The following COL4A6 variants were observed in gnomAD, a reference collection of about 807,000 sequenced individuals.
COL4A6 encodes the protein collagen type IV alpha 6 chain.
A neutral mutation model predicts 126.7 loss-of-function variants in COL4A6; 59 were observed. The observed-to-expected ratio is 0.47, with a 90% CI of 0.38 to 0.58. COL4A6 has a LOEUF of 0.58. COL4A6 is among the 20% of genes least tolerant of loss of function. The pLI, the probability that COL4A6 is intolerant of heterozygous loss-of-function variation, is 0.00. For missense variants in COL4A6, 1,285 were observed against 1,337.3 expected, an observed-to-expected ratio of 0.96 and a Z score of 0.61; for synonymous variants, 547 against 496.6, an observed-to-expected ratio of 1.10 and a Z score of -1.35.
chrX:108,177,354 G>C (rs779293152), intron 27 of COL4A6, among the ~76,000 whole-genome samples: 1 of 112,235 alleles, frequency 8.9e-6, no homozygotes, highest in African/African-American at 3.2e-5. Flanking sequence ...GTGGCAAGTA[G>C]GCTCCAGTTT....
At chrX:108,273,570 T>G (rs1332758732) in intron 3 of COL4A6, among the ~76,000 whole-genome samples, 1 of 112,207 alleles carries the variant, frequency 8.9e-6, no homozygotes, top group Non-Finnish European at 1.9e-5. Flanking sequence ...AGCAAAGACT[T>G]GGAACCAACC....
intron 4 of COL4A6, 45 bp downstream of exon 4, chrX:108,221,195 T>C (rs1193332318): frequency 8.3e-7 from 1 of 1,203,635 alleles, no homozygotes; most frequent in African/African-American, 1.7e-5. Flanking sequence ...ATCTTTACAT[T>C]TGTGGCCCAT....
intron 20 of COL4A6, 115 bp downstream of exon 20, chrX:108,190,277 A>G (rs2034997448): frequency 1.8e-5 from 9 of 503,150 alleles, no homozygotes; most frequent in South Asian, 6.8e-5. Flanking sequence ...CAAAGCCCCA[A>G]ACAAGATCCA....
intron 8 of COL4A6, among the ~76,000 whole-genome samples, chrX:108,207,242 C>T (rs1033759328): frequency 9.2e-6 from 1 of 108,407 alleles, no homozygotes; most frequent in African/African-American, 3.4e-5. Context: ...GGATTAAACA[C>T]CGCATGTTCA....
At chrX:108,288,054 C>T (rs1025283880) in intron 3 of COL4A6, among the ~76,000 whole-genome samples, 2 of 112,224 alleles carry the variant, frequency 1.8e-5, no homozygotes, top group Non-Finnish European at 3.8e-5. Context: ...CCTGTTGCTC[C>T]ATCTTGGCCA....
At chrX:108,350,286 TCA>T (rs1346326831) in intron 2 of COL4A6, among the ~76,000 whole-genome samples, 8 of 111,920 alleles carry the variant, frequency 7.1e-5, no homozygotes, top group Non-Finnish European at 5.6e-5. Context: ...TTTGGAAAAT[TCA>T]CAGTTTCATC....
intron 3 of COL4A6, among the ~76,000 whole-genome samples, chrX:108,252,497 A>C (rs1256645491): frequency 2.7e-5 from 3 of 111,546 alleles, no homozygotes; most frequent in Non-Finnish European, 3.8e-5. Context: ...TTACATATAC[A>C]CCCAGTAGTA....
chrX:108,278,856 G>T (rs868092184), intron 3 of COL4A6, among the ~76,000 whole-genome samples: 90 of 110,809 alleles, frequency 8.1e-4, no homozygotes, highest in East Asian at 1.7e-3. Context: ...TTAAAGAAAA[G>T]AATTTTCAAT....
rs1171890131 is a variant in COL4A6, at chrX:108,213,623, A to G, written c.441+489T>C. The stretch of plus-strand genomic sequence containing the variant: ...GTCTTGTGCCAGTAGCACACCACCA[A>G]TTGTGAGACCTCAAAATATCAATAG... On this transcript the variant is annotated intron_variant, in intron 6 of 44. Transcript: ENST00000334504. Among the ~76,000 whole-genome samples, 3 of 111,979 alleles carry G rather than the reference A, an allele frequency of 2.7e-5. No homozygotes were observed. In the Admixed American group the frequency reaches 2.8e-4, roughly 11 times the overall value.
At chrX:108,230,561 C>G (rs1348697097) in intron 3 of COL4A6, among the ~76,000 whole-genome samples, 2 of 111,762 alleles carry the variant, frequency 1.8e-5, no homozygotes, top group Non-Finnish European at 3.8e-5. Context: ...ACAAACTTTA[C>G]CTCAGTAGCC....
At chrX:108,430,511 T>C (rs1021672734) in intron 2 of COL4A6, among the ~76,000 whole-genome samples, 1 of 112,096 alleles carries the variant, frequency 8.9e-6, no homozygotes, top group Non-Finnish European at 1.9e-5. Flanking sequence ...ATTGGGTTTG[T>C]TGTTAGTAAA....
chrX:108,162,669 AC>A (rs761488055), intron 41 of COL4A6, among the ~76,000 whole-genome samples: 2 of 111,166 alleles, frequency 1.8e-5, no homozygotes, highest in South Asian at 7.8e-4. Flanking sequence ...TGGAGTAGCA[AC>A]CTTGCTCTGC....
At chrX:108,201,426 T>C (rs1262510069) in intron 13 of COL4A6, among the ~76,000 whole-genome samples, 2 of 112,078 alleles carry the variant, frequency 1.8e-5, no homozygotes, top group Non-Finnish European at 3.8e-5. Flanking sequence ...AAAATATATA[T>C]ATACCTATAA....
At chrX:108,213,311 T>A (rs754362471) in intron 6 of COL4A6, among the ~76,000 whole-genome samples, 1 of 112,221 alleles carries the variant, frequency 8.9e-6, no homozygotes, top group South Asian at 3.7e-4. Flanking sequence ...TGACAATGAG[T>A]CTGAAATGTG....
chrX:108,422,114 G>T (rs1314718283), intron 2 of COL4A6, among the ~76,000 whole-genome samples: 1 of 111,858 alleles, frequency 8.9e-6, no homozygotes, highest in African/African-American at 3.2e-5. Flanking sequence ...TGTGACTCAT[G>T]CCTGTAATCC....
chrX:108,282,156 T>C (rs1401203268), intron 3 of COL4A6, among the ~76,000 whole-genome samples: 1 of 105,560 alleles, frequency 9.5e-6, no homozygotes, highest in African/African-American at 3.4e-5. Flanking sequence ...GGGATCTAAT[T>C]AAACTAAAGA....
intron 2 of COL4A6, among the ~76,000 whole-genome samples, chrX:108,424,926 C>T (rs2064045985): frequency 9.1e-6 from 1 of 110,234 alleles, no homozygotes; most frequent in South Asian, 4.0e-4. Flanking sequence ...GCAGGAGGAT[C>T]GCTTGAGCTG....
Position 108,180,509 on chromosome X carries a change from T to G in COL4A6, c.2131+6A>C. On this transcript the variant is annotated splice_donor_region_variant and intron_variant, in intron 25 of 44. Transcript: ENST00000334504. ...GAAGCAGGTGAGGAGACACTCCTTT[T>G]CTTACCTGGTAATTCAGGAAGATGA... is the stretch of plus-strand genomic sequence containing the variant. 8.4e-7 allele frequency: 1 copy of G among 1,188,857 alleles called. No homozygotes were observed. Among genetic ancestry groups the G allele is most frequent in the Non-Finnish European group, 1.1e-6 (1 of 876,922 alleles).
At chrX:108,254,502 G>GTTTTTGT (rs752616123) in intron 3 of COL4A6, among the ~76,000 whole-genome samples, 3 of 110,895 alleles carry the variant, frequency 2.7e-5, no homozygotes, top group Admixed American at 9.6e-5. Flanking sequence ...AGTTCACTTT[G>GTTTTTGT]TTTTTGTTTT....
Sources: allele counts gnomAD v4.1 joint callset (sites outside exome capture counted in the v4.1 genomes callset), GRCh38; gene constraint gnomAD v4.1.1; transcripts MANE v1.5; gene names NCBI Gene and HGNC (gene_info 2026-07-23, HGNC 2026-07-21).